CNTN5: variants seen among roughly 807,000 people sequenced by gnomAD.
CNTN5 encodes the protein contactin-5.
A neutral mutation model predicts 129.1 loss-of-function variants in CNTN5; 77 were observed. That is an observed-to-expected ratio of 0.60 (90% CI 0.50 to 0.72). The LOEUF (loss-of-function observed/expected upper bound fraction) is 0.72, where lower values mean the gene tolerates loss of function less well. Among genes scored for constraint, CNTN5 ranks in the 30% least tolerant of loss-of-function variants. The probability of loss-of-function intolerance (pLI) is 0.00; values close to 1 mark genes in which losing one functional copy is unlikely to be tolerated. For missense variants in CNTN5, 1,478 were observed against 1,328.8 expected (o/e 1.11, Z -1.75); for synonymous variants, 509 against 465.6 (o/e 1.09, Z -1.20).
At chr11:100,034,584 C>G (rs905598380) in intron 9 of CNTN5, among the ~76,000 whole-genome samples, 1 of 152,162 alleles carries the variant, frequency 6.6e-6, no homozygotes, top group Admixed American at 6.5e-5. Context: ...CAAAGTCTTA[C>G]AAACTGTGCA....
intron 1 of CNTN5, among the ~76,000 whole-genome samples, chr11:99,078,904 A>C (rs1006483395): frequency 6.6e-6 from 1 of 152,142 alleles, no homozygotes. Flanking sequence ...TACAGTAAAC[A>C]ATAATTTATT....
At chr11:99,109,348 C>T (rs1857673948) in intron 1 of CNTN5, among the ~76,000 whole-genome samples, 2 of 151,688 alleles carry the variant, frequency 1.3e-5, no homozygotes, top group African/African-American at 4.8e-5. Flanking sequence ...GTGTAGAACT[C>T]CTCGCAGTTT....
chr11:99,050,421 T>C (rs1201463889), intron 1 of CNTN5, among the ~76,000 whole-genome samples: 1 of 151,952 alleles, frequency 6.6e-6, no homozygotes, highest in Non-Finnish European at 1.5e-5. Context: ...TCATATTCTT[T>C]ATTTACATTA....
intron 3 of CNTN5, among the ~76,000 whole-genome samples, chr11:99,583,629 G>A (rs1011332544): frequency 6.6e-5 from 10 of 152,322 alleles, no homozygotes; most frequent in African/African-American, 2.2e-4. Flanking sequence ...TGAGCCATGC[G>A]CGGGATATAA....
rs138945563 is a variant in CNTN5 at position 99,052,825 on chromosome 11, T to G, written c.-210+31555T>G. ...CCTGAGTCATGTTGATTCTATGTGT[T>G]CTGTGAGCCTAGTCTCAGACTTTTT... On this transcript the variant is annotated intron_variant, in intron 1 of 24. Transcript: ENST00000524871. Among the ~76,000 whole-genome samples, 1,503 of 151,962 alleles carry G rather than the reference T, an allele frequency of 9.9e-3. 16 individuals are homozygous for G. Among genetic ancestry groups the G allele is most frequent in the Non-Finnish European group, 0.015 (1,030 of 67,832 alleles).
chr11:99,458,605 C>T (rs1393262868), intron 2 of CNTN5, among the ~76,000 whole-genome samples: 1 of 151,874 alleles, frequency 6.6e-6, no homozygotes, highest in African/African-American at 2.4e-5. Flanking sequence ...GCTCTGAAAA[C>T]CGATTTCCTT....
intron 1 of CNTN5, among the ~76,000 whole-genome samples, chr11:99,084,538 T>G (rs1865922620): frequency 6.6e-6 from 1 of 151,866 alleles, no homozygotes; most frequent in African/African-American, 2.4e-5. Context: ...ACTTTACATG[T>G]TATGTTTTCA....
chr11:99,887,041 G>C (rs937096988), intron 6 of CNTN5, among the ~76,000 whole-genome samples: 2 of 152,094 alleles, frequency 1.3e-5, no homozygotes, highest in African/African-American at 4.8e-5. Context: ...TGGTTCATTG[G>C]TATTCATTAA....
At chr11:100,271,667 C>G (rs1017843482) in intron 18 of CNTN5, among the ~76,000 whole-genome samples, 1 of 152,126 alleles carries the variant, frequency 6.6e-6, no homozygotes, top group Non-Finnish European at 1.5e-5. Context: ...CACCACAAAA[C>G]CCATATAAAT....
At chr11:100,342,936 C>G (rs1952198758) in intron 23 of CNTN5, among the ~76,000 whole-genome samples, 1 of 151,986 alleles carries the variant, frequency 6.6e-6, no homozygotes, top group African/African-American at 2.4e-5. Flanking sequence ...GTTTTATTTT[C>G]TTAACTTCAC....
chr11:100,240,028 T>C (rs937221034), intron 16 of CNTN5, among the ~76,000 whole-genome samples: 18 of 152,384 alleles, frequency 1.2e-4, no homozygotes, highest in African/African-American at 4.1e-4. Flanking sequence ...GTTGCAAAGA[T>C]GTTTTATCAC....
chr11:99,339,558 T>C (rs1866412611), intron 2 of CNTN5, among the ~76,000 whole-genome samples: 1 of 151,940 alleles, frequency 6.6e-6, no homozygotes, highest in Non-Finnish European at 1.5e-5. Context: ...GACGGGTGGA[T>C]CACGAAGTCA....
intron 13 of CNTN5, among the ~76,000 whole-genome samples, chr11:100,090,630 G>T (rs1944745716): frequency 1.3e-5 from 2 of 148,634 alleles, no homozygotes; most frequent in Admixed American, 1.4e-4. Flanking sequence ...GGGCTAGGAA[G>T]TCCCAGTACA....
intron 13 of CNTN5, among the ~76,000 whole-genome samples, chr11:100,140,733 G>T (rs1946671788): frequency 6.6e-6 from 1 of 152,154 alleles, no homozygotes; most frequent in African/African-American, 2.4e-5. Flanking sequence ...AATTAAGACA[G>T]ATAGAGTGTT....
chr11:99,708,811 T>C (rs1265895453), intron 3 of CNTN5, among the ~76,000 whole-genome samples: 1 of 151,722 alleles, frequency 6.6e-6, no homozygotes, highest in Admixed American at 6.6e-5. Flanking sequence ...ATCATCCTTC[T>C]CATTTTCTTT....
Position 99,911,187 on chromosome 11 carries a change from C to T in CNTN5, c.578-4867C>T, listed in dbSNP as rs150327570. 2.8e-3 allele frequency among the ~76,000 whole-genome samples: 433 copies of T among 152,030 alleles called. 2 individuals carry two copies. The highest frequency in any genetic ancestry group is 1.0e-2 in the African/African-American group (414 of 41,508). On this transcript the variant is annotated intron_variant, in intron 6 of 24. Transcript: ENST00000524871. Reference sequence around the variant, plus strand: ...GTCTTTTTGTAAAAAGTCAAAATCTCAATTTTATAAAAAATTTTAAAATTT... The same window carrying T: ...GTCTTTTTGTAAAAAGTCAAAATCTTAATTTTATAAAAAATTTTAAAATTT...
rs182590306 is a variant in CNTN5, at chr11:99,031,888, G to A, written c.-210+10618G>A. ...CCATTAACTCGTCATCTAGCATTAG[G>A]TATATCTCCCAATGCTATCCCTCCC... On this transcript the variant is annotated intron_variant, in intron 1 of 24. Coordinates refer to ENST00000524871, the MANE Select transcript of CNTN5 (RefSeq NM_014361.4). Among the ~76,000 whole-genome samples the A allele has an allele frequency of 9.4e-3, 1,404 of 149,526 alleles. 24 individuals are homozygous for A. Among genetic ancestry groups the A allele is most frequent in the African/African-American group, 0.033 (1,328 of 40,706 alleles).
At position 99,155,738 on chromosome 11, in the gene CNTN5, A is replaced by G. The variant is rs151155374; in HGVS notation, c.-210+134468A>G. On this transcript the variant is annotated intron_variant, in intron 1 of 24. Transcript: ENST00000524871. ...CTACTTGCCCTACAAAGTCACAATG[A>G]TGACAATAACATTCAAGAATAAAGA... 2.5e-3 allele frequency among the ~76,000 whole-genome samples: 386 copies of G among 152,316 alleles called. 2 individuals carry two copies. The highest frequency in any genetic ancestry group is 3.6e-3 in the Non-Finnish European group (242 of 68,024).
intron 9 of CNTN5, among the ~76,000 whole-genome samples, chr11:100,005,874 TC>T (rs1380364923): frequency 6.6e-6 from 1 of 152,188 alleles, no homozygotes; most frequent in Non-Finnish European, 1.5e-5. Context: ...CTTTACCTGT[TC>T]CCAGCCTTAG....
Sources: allele counts gnomAD v4.1 joint callset (sites outside exome capture counted in the v4.1 genomes callset), GRCh38; gene constraint gnomAD v4.1.1; transcripts MANE v1.5; gene names NCBI Gene and HGNC (gene_info 2026-07-23, HGNC 2026-07-21).